CDH9: variants seen among roughly 807,000 people sequenced by gnomAD.
CDH9 encodes cadherin 9.
In CDH9, 28 loss-of-function variants were observed where a neutral mutation model predicts 70.9. The ratio of observed to expected loss-of-function variants is 0.40; its 90% CI spans 0.29 to 0.54. The LOEUF (loss-of-function observed/expected upper bound fraction) is 0.54. Among genes scored for constraint, CDH9 ranks in the 20% least tolerant of loss-of-function variants. CDH9 has a pLI of 0.59. For synonymous variants in CDH9, 409 were observed against 343.1 expected (o/e 1.19, Z -2.12); for missense variants, 874 against 984.4 (o/e 0.89, Z 1.50).
intron 1 of CDH9, among the ~76,000 whole-genome samples, chr5:27,033,720 A>G (rs1374200598): frequency 6.6e-6 from 1 of 151,632 alleles, no homozygotes; most frequent in Non-Finnish European, 1.5e-5. Context: ...ATATTTTTAA[A>G]CATATTTCTA....
chr5:26,894,711 G>A (rs996733352), intron 7 of CDH9, among the ~76,000 whole-genome samples: 91 of 152,142 alleles, frequency 6.0e-4, no homozygotes, highest in African/African-American at 2.1e-3. Context: ...GAAAGAGCCT[G>A]ATAAACCCTT....
At chr5:27,031,804 C>G (rs1369385130) in intron 1 of CDH9, among the ~76,000 whole-genome samples, 1 of 151,868 alleles carries the variant, frequency 6.6e-6, no homozygotes, top group African/African-American at 2.4e-5. Context: ...CCTCTCGTGT[C>G]TTCATTCTGT....
At chr5:26,906,605 T>TAG in intron 4 of CDH9, 114 bp downstream of exon 4, 1 of 1,391,062 alleles carries the variant, frequency 7.2e-7, no homozygotes, top group South Asian at 1.5e-5. Context: ...AGGAAACAAA[T>TAG]AGAAACATGA....
At chr5:26,996,228 T>C (rs998978160) in intron 1 of CDH9, among the ~76,000 whole-genome samples, 7 of 152,064 alleles carry the variant, frequency 4.6e-5, no homozygotes, top group African/African-American at 1.7e-4. Flanking sequence ...AATTTTAATA[T>C]TATCATACTA....
chr5:26,953,154 T>C (rs1741883374), intron 2 of CDH9, among the ~76,000 whole-genome samples: 1 of 152,140 alleles, frequency 6.6e-6, no homozygotes, highest in African/African-American at 2.4e-5. Context: ...TTAAAGTTCA[T>C]ATTTAGCAAT....
chr5:26,981,741 G>A (rs1742403270), intron 2 of CDH9, among the ~76,000 whole-genome samples: 1 of 151,982 alleles, frequency 6.6e-6, no homozygotes, highest in African/African-American at 2.4e-5. Context: ...AGCATTGACA[G>A]AGAAAAGCAA....
Position 26,976,206 on chromosome 5 carries a change from C to T in CDH9, c.228+11900G>A, listed in dbSNP as rs1018980555. 3.0e-4 allele frequency among the ~76,000 whole-genome samples: 45 copies of T among 151,972 alleles called. 1 individual carries two copies. Among genetic ancestry groups the T allele is most frequent in the African/African-American group, 7.3e-5 (3 of 41,360 alleles). ...ATCTCAAGCAGGGGCAAGTTCTAGACGTAATGACAAACCTGAACTATTTCT... is the reference window on the plus strand; with the variant it reads ...ATCTCAAGCAGGGGCAAGTTCTAGATGTAATGACAAACCTGAACTATTTCT... On this transcript the variant is annotated intron_variant, in intron 2 of 11. Coordinates refer to ENST00000231021, the MANE Select transcript of CDH9 (RefSeq NM_016279.4).
chr5:26,916,332 G>C (rs1264234759), intron 2 of CDH9, among the ~76,000 whole-genome samples: 1 of 151,794 alleles, frequency 6.6e-6, no homozygotes, highest in African/African-American at 2.4e-5. Flanking sequence ...GATTTCTGAA[G>C]GTATTATAAT....
chr5:26,904,255 AATGCCATAC>A (rs1172560341), intron 5 of CDH9, among the ~76,000 whole-genome samples: 6 of 150,462 alleles, frequency 4.0e-5, no homozygotes, highest in Non-Finnish European at 8.9e-5. Flanking sequence ...AATAAAAAAT[AATGCCATAC>A]AGACCAATGT....
At position 26,910,323 on chromosome 5, in the gene CDH9, TAGTC is replaced by T. The variant is rs373802834; in HGVS notation, c.524-3489_524-3486del. On this transcript the variant is annotated intron_variant, in intron 3 of 11. Coordinates refer to ENST00000231021, the MANE Select transcript of CDH9 (RefSeq NM_016279.4). ...AAAATATTTGTATACAAAGATTACT[TAGTC>T]AGTATAAATGTTACTAATTTAAACG... Among the ~76,000 whole-genome samples the T allele has an allele frequency of 7.3e-4, 111 of 152,246 alleles. No homozygotes were observed. In the South Asian group the frequency reaches 0.013, roughly 18 times the overall value.
intron 1 of CDH9, among the ~76,000 whole-genome samples, chr5:26,990,231 A>G (rs1042923317): frequency 2.0e-5 from 3 of 152,200 alleles, no homozygotes; most frequent in Non-Finnish European, 2.9e-5. Flanking sequence ...CTCAGCAGAA[A>G]GAAGAATGGT....
At chr5:26,925,242 T>C (rs1405238076) in intron 2 of CDH9, among the ~76,000 whole-genome samples, 2 of 152,210 alleles carry the variant, frequency 1.3e-5, no homozygotes, top group African/African-American at 4.8e-5. Context: ...ATGATCGCCA[T>C]TCTAACTGGT....
At chr5:26,916,940 T>G (rs540089018) in intron 2 of CDH9, among the ~76,000 whole-genome samples, 1 of 152,104 alleles carries the variant, frequency 6.6e-6, no homozygotes, top group Admixed American at 6.6e-5. Context: ...AAAATAGGAT[T>G]ATGTTTTCAT....
Position 26,958,676 on chromosome 5 carries a change from A to G in CDH9, c.228+29430T>C, listed in dbSNP as rs528368709. Among the ~76,000 whole-genome samples, 12 of 152,338 alleles carry G rather than the reference A, an allele frequency of 7.9e-5. No homozygotes were observed. In the South Asian group the frequency reaches 2.5e-3, roughly 32 times the overall value. On this transcript the variant is annotated intron_variant, in intron 2 of 11. Transcript: ENST00000231021. ...AAAAGTTGTTTTAAACAAATTCTAG[A>G]TTGTGTGCTTAGTATACGCAGAAAT...
chr5:26,906,457 T>C (rs12188958), intron 4 of CDH9, among the ~76,000 whole-genome samples: 3,310 of 152,244 alleles, frequency 0.022, 40 homozygotes, highest in Non-Finnish European at 0.032. Context: ...CTATGCCACA[T>C]AATGTGCTGA....
chr5:26,997,890 G>A (rs996101191), intron 1 of CDH9, among the ~76,000 whole-genome samples: 2 of 152,074 alleles, frequency 1.3e-5, no homozygotes, highest in South Asian at 4.1e-4. Context: ...AGTAGAGAAG[G>A]TGTTTCACCA....
chr5:26,917,933 T>C (rs1252091531), intron 2 of CDH9, among the ~76,000 whole-genome samples: 6 of 152,222 alleles, frequency 3.9e-5, no homozygotes, highest in Non-Finnish European at 8.8e-5. Context: ...ATGCACATTT[T>C]GGTGTTATAT....
intron 7 of CDH9, among the ~76,000 whole-genome samples, chr5:26,901,266 T>C (rs1055046074): frequency 2.6e-5 from 4 of 151,924 alleles, no homozygotes; most frequent in African/African-American, 9.7e-5. Flanking sequence ...ATGTATTTTT[T>C]TAAAACAGAT....
intron 2 of CDH9, among the ~76,000 whole-genome samples, chr5:26,964,112 T>G (rs1742086766): frequency 7.4e-6 from 1 of 135,920 alleles, no homozygotes; most frequent in South Asian, 2.9e-4. Context: ...TACTGTTTTA[T>G]ACTTTATTGT....
Sources: allele counts gnomAD v4.1 joint callset (sites outside exome capture counted in the v4.1 genomes callset), GRCh38; gene constraint gnomAD v4.1.1; transcripts MANE v1.5; gene names NCBI Gene and HGNC (gene_info 2026-07-23, HGNC 2026-07-21).